GNPTAB: variants seen among roughly 807,000 people sequenced by gnomAD.
GNPTAB encodes the protein N-acetylglucosamine-1-phosphate transferase subunits alpha and beta, also known as N-acetylglucosamine-1-phosphotransferase subunits alpha/beta.
In GNPTAB, 92 loss-of-function variants were observed where a neutral mutation model predicts 136.6. That is an observed-to-expected ratio of 0.67 (90% CI 0.57 to 0.80). GNPTAB has a LOEUF of 0.80. Ranked by LOEUF, GNPTAB falls within the 30% of genes least tolerant of loss-of-function variation. GNPTAB has a pLI of 0.00. For missense variants in GNPTAB, 1,343 were observed against 1,501.8 expected, an observed-to-expected ratio of 0.89 and a Z score of 1.75; for synonymous variants, 512 against 535.1, an observed-to-expected ratio of 0.96 and a Z score of 0.60.
At chr12:101,812,344 C>T (rs1470645981) in intron 1 of GNPTAB, among the ~76,000 whole-genome samples, 1 of 152,236 alleles carries the variant, frequency 6.6e-6, no homozygotes, top group Non-Finnish European at 1.5e-5. Flanking sequence ...GATCCAATCA[C>T]TTCCCACCAT....
chr12:101,769,730 C>T (rs1049073217), intron 10 of GNPTAB, among the ~76,000 whole-genome samples: 1 of 151,694 alleles, frequency 6.6e-6, no homozygotes, highest in Non-Finnish European at 1.5e-5. Context: ...ACCCCCTACT[C>T]CCCCCACGGC....
chr12:101,754,715 C>T (rs1039660487), intron 18 of GNPTAB, among the ~76,000 whole-genome samples: 2 of 148,894 alleles, frequency 1.3e-5, no homozygotes, highest in Admixed American at 6.8e-5. Context: ...TAGGCCAATA[C>T]TTTTGAAGTA....
intron 20 of GNPTAB, among the ~76,000 whole-genome samples, chr12:101,747,488 C>T (rs562214944): frequency 2.6e-5 from 4 of 152,244 alleles, no homozygotes; most frequent in East Asian, 3.9e-4. Context: ...AAAATTATTT[C>T]GGCCCATGCT....
At chr12:101,786,240 T>A in intron 4 of GNPTAB, 23 bp from the exon 5 acceptor site, 1 of 1,569,660 alleles carries the variant, frequency 6.4e-7, no homozygotes, top group South Asian at 1.1e-5. Flanking sequence ...ACCAACATGC[T>A]TACAATTACA....
chr12:101,765,970 A>G, intron 12 of GNPTAB, 121 bp downstream of exon 12: 1 of 847,098 alleles, frequency 1.2e-6, no homozygotes, highest in Non-Finnish European at 2.0e-6. Context: ...GTTTGAATGC[A>G]AGGCTGGTAA....
chr12:101,828,068 A>T (rs1259309497), intron 1 of GNPTAB, among the ~76,000 whole-genome samples: 1 of 152,242 alleles, frequency 6.6e-6, no homozygotes, highest in African/African-American at 2.4e-5. Flanking sequence ...AGTTGGTAAT[A>T]TTAACTATAT....
At chr12:101,786,839 T>C (rs189930892) in intron 4 of GNPTAB, among the ~76,000 whole-genome samples, 243 of 152,244 alleles carry the variant, frequency 1.6e-3, no homozygotes, top group Non-Finnish European at 2.5e-3. Flanking sequence ...GTATAAAAAA[T>C]TGTTCAACTT....
rs771288758 is a variant in GNPTAB at position 101,771,134 on chromosome 12, A to G, written c.795T>C (p.Ser265=). 5.0e-6 allele frequency: 8 copies of G among 1,613,840 alleles called. No individual in the cohort carries two copies. The highest frequency in any genetic ancestry group is 5.9e-6 in the Non-Finnish European group (7 of 1,179,832). The change falls in exon 8 of 21, where the codon AGT becomes AGC. Residue 265 remains serine, a synonymous_variant. Coordinates refer to ENST00000299314, the MANE Select transcript of GNPTAB (RefSeq NM_024312.5). ...VKLLQLYSEA[S]VALLKLNNPK... ...GGTTATTCAGTTTTAGAAGCGCTACACTGGCCTCTGAATACAACTGCAACT... is the reference window on the plus strand; with the variant it reads ...GGTTATTCAGTTTTAGAAGCGCTACGCTGGCCTCTGAATACAACTGCAACT...
intron 20 of GNPTAB, among the ~76,000 whole-genome samples, chr12:101,748,777 A>T (rs899199539): frequency 6.6e-6 from 1 of 152,224 alleles, no homozygotes; most frequent in South Asian, 2.1e-4. Flanking sequence ...CCCATAGAAA[A>T]TTAACATTAG....
At chr12:101,758,648 ACCCATG>A (rs1952940184) in intron 16 of GNPTAB, among the ~76,000 whole-genome samples, 1 of 151,738 alleles carries the variant, frequency 6.6e-6, no homozygotes, top group African/African-American at 2.4e-5. Context: ...CCATATACTA[ACCCATG>A]CCATATGCTA....
intron 4 of GNPTAB, 106 bp downstream of exon 4, chr12:101,788,442 G>A (rs1402621690): frequency 2.3e-5 from 18 of 775,388 alleles, no homozygotes; most frequent in Middle Eastern, 2.7e-4. Context: ...AAAACTATAT[G>A]GATAATAAAC....
At chr12:101,821,514 C>T (rs950994748) in intron 1 of GNPTAB, among the ~76,000 whole-genome samples, 12 of 152,222 alleles carry the variant, frequency 7.9e-5, no homozygotes, top group African/African-American at 2.6e-4. Flanking sequence ...TACCACATTC[C>T]AAAGTGAAGT....
At chr12:101,817,586 T>C (rs1870570787) in intron 1 of GNPTAB, among the ~76,000 whole-genome samples, 2 of 152,116 alleles carry the variant, frequency 1.3e-5, no homozygotes, top group African/African-American at 4.8e-5. Context: ...ACAGATTGTA[T>C]GCATGTATAA....
intron 1 of GNPTAB, among the ~76,000 whole-genome samples, chr12:101,822,342 G>A (rs563587328): frequency 1.1e-3 from 166 of 152,250 alleles, no homozygotes; most frequent in African/African-American, 3.7e-3. Context: ...GAACCCCGGG[G>A]GGCGGAGCCT....
At position 101,746,950 on chromosome 12, in the gene GNPTAB, C is replaced by T; in HGVS notation, c.*214G>A. On this transcript the variant is annotated 3_prime_UTR_variant, in exon 21 of 21. Coordinates refer to ENST00000299314, the MANE Select transcript of GNPTAB (RefSeq NM_024312.5). Reference sequence around the variant, plus strand: ...TGAGCAAATTCTTTAAAAGTAAAATCAGTTCAGAGCTGCTCAACACACAAG... The same window carrying T: ...TGAGCAAATTCTTTAAAAGTAAAATTAGTTCAGAGCTGCTCAACACACAAG... 2.0e-6 allele frequency: 1 copy of T among 508,008 alleles called. No homozygotes were observed. The highest frequency in any genetic ancestry group is 2.5e-5 in the South Asian group (1 of 39,672). 31.5% of individuals were successfully genotyped at this position (508,008 alleles called of 1,614,324 possible). A position where few individuals can be genotyped will look rare whatever the true frequency, so the allele number is the denominator to read the frequency against.
intron 1 of GNPTAB, among the ~76,000 whole-genome samples, chr12:101,824,396 A>G (rs1441305015): frequency 1.6e-5 from 2 of 125,154 alleles, no homozygotes; most frequent in East Asian, 5.4e-4. Flanking sequence ...CTCCTGCCAG[A>G]AATTTCACCA....
At chr12:101,770,950 T>A (rs1220864795) in intron 8 of GNPTAB, 46 bp downstream of exon 8, 3 of 1,566,756 alleles carry the variant, frequency 1.9e-6, no homozygotes. Flanking sequence ...ATTTTTAACA[T>A]CTTAACCTTT....
In GNPTAB at chr12:101,788,536, CA is replaced by C; in HGVS notation, c.365+11del. 2 of 1,507,408 alleles carry C rather than the reference CA, an allele frequency of 1.3e-6. No individual in the cohort carries two copies. The highest frequency in any genetic ancestry group is 1.8e-6 in the Non-Finnish European group (2 of 1,082,748). 93.4% of individuals were successfully genotyped at this position (1,507,408 alleles called of 1,614,324 possible). A position where few individuals can be genotyped will look rare whatever the true frequency, so the allele number is the denominator to read the frequency against. On this transcript the variant is annotated intron_variant, in intron 4 of 20. Transcript: ENST00000299314. The stretch of plus-strand genomic sequence containing the variant: ...TCACTTTTTACTCTTGAGAGGAAAT[CA>C]AAATGCTTACCTCTTCTTAGTAGGT...
At chr12:101,781,836 A>G (rs1296349894) in intron 5 of GNPTAB, among the ~76,000 whole-genome samples, 1 of 152,212 alleles carries the variant, frequency 6.6e-6, no homozygotes, top group African/African-American at 2.4e-5. Flanking sequence ...TTCCATTGAT[A>G]TGATGAATTC....
Sources: allele counts gnomAD v4.1 joint callset (sites outside exome capture counted in the v4.1 genomes callset), GRCh38; gene constraint gnomAD v4.1.1; transcripts MANE v1.5; gene names NCBI Gene and HGNC (gene_info 2026-07-23, HGNC 2026-07-21).